Variants in PCDHAC1 observed in about 807,000 individuals in gnomAD.
The protein encoded by PCDHAC1 is protocadherin alpha subfamily C, 1.
Under a neutral mutation model 60.0 loss-of-function variants are expected in PCDHAC1, and 42 were observed. The ratio of observed to expected loss-of-function variants is 0.70; its 90% CI spans 0.55 to 0.90. PCDHAC1 has a LOEUF of 0.90. Among genes scored for constraint, PCDHAC1 ranks in the 40% least tolerant of loss-of-function variants. The pLI is 0.00. For synonymous variants in PCDHAC1, 468 were observed against 499.3 expected (o/e 0.94, Z 0.84); for missense variants, 1,160 against 1,222.3 (o/e 0.95, Z 0.76).
rs542701193 is a variant in PCDHAC1 at position 140,931,976 on chromosome 5, A to G, written c.2433+2651A>G. 2.6e-5 allele frequency among the ~76,000 whole-genome samples: 4 copies of G among 152,074 alleles called. No homozygotes were observed. In the East Asian group the frequency reaches 7.7e-4, roughly 29 times the overall value. On this transcript the variant is annotated intron_variant, in intron 1 of 3. Coordinates refer to ENST00000253807, the MANE Select transcript of PCDHAC1 (RefSeq NM_018898.5). ...GAATCATGTTGATGCATATGTGTTTATATTTTGCTCAAATTCTAAGTTCTT... is the reference window on the plus strand; with the variant it reads ...GAATCATGTTGATGCATATGTGTTTGTATTTTGCTCAAATTCTAAGTTCTT...
intron 1 of PCDHAC1, chr5:140,966,646 G>T (rs2096032297): frequency 4.4e-6 from 5 of 1,139,570 alleles, no homozygotes; most frequent in Non-Finnish European, 4.6e-6. Flanking sequence ...TTTCTAGAGC[G>T]TGAGCGGTGG....
At chr5:140,958,069 A>C (rs2095407625) in intron 1 of PCDHAC1, among the ~76,000 whole-genome samples, 1 of 152,104 alleles carries the variant, frequency 6.6e-6, no homozygotes. Flanking sequence ...AAAAACACAG[A>C]AGCAAAAAGT....
intron 1 of PCDHAC1, among the ~76,000 whole-genome samples, chr5:140,939,276 C>T (rs146183157): frequency 6.6e-6 from 1 of 152,174 alleles, no homozygotes; most frequent in Non-Finnish European, 1.5e-5. Flanking sequence ...GAGAGCTGTG[C>T]CCTCGTGATC....
chr5:140,928,625 A>T lies in PCDHAC1; in HGVS notation c.1733A>T (p.His578Leu). The T allele has an allele frequency of 6.2e-7, 1 of 1,614,224 alleles. No individual in the cohort carries two copies. The highest frequency in any genetic ancestry group is 1.3e-5 in the African/African-American group (1 of 75,064). ...EIVPRSARTGHLVTKVVAEDA... is the reference protein window; with the variant it reads ...EIVPRSARTGLLVTKVVAEDA... Reference sequence around the variant, plus strand: ...GTGCCCCGCTCTGCCAGGACTGGACACTTGGTCACAAAAGTGGTAGCAGAG... The same window carrying T: ...GTGCCCCGCTCTGCCAGGACTGGACTCTTGGTCACAAAAGTGGTAGCAGAG... The change falls in exon 1 of 4, where the codon CAC (histidine) becomes CTC (leucine). Residue 578 changes from histidine (H) to leucine (L), a missense_variant. His to Leu is a moderately conservative substitution (Grantham distance 99). Transcript: ENST00000253807.
chr5:140,972,391 C>T (rs1554234093), intron 1 of PCDHAC1, among the ~76,000 whole-genome samples: 3 of 151,490 alleles, frequency 2.0e-5, no homozygotes, highest in African/African-American at 7.3e-5. Flanking sequence ...TGTTTATTTG[C>T]TTCACTATTG....
intron 1 of PCDHAC1, chr5:140,969,335 A>G (rs782267073): frequency 1.2e-6 from 2 of 1,614,012 alleles, no homozygotes; most frequent in Admixed American, 3.3e-5. Context: ...AAATGAGGTG[A>G]GACAGTGGTC....
intron 1 of PCDHAC1, among the ~76,000 whole-genome samples, chr5:140,970,194 A>G (rs1202666673): frequency 6.6e-6 from 1 of 152,204 alleles, no homozygotes; most frequent in African/African-American, 2.4e-5. Context: ...TTGTAAGAGG[A>G]TTTCCCTGAA....
At position 140,928,374 on chromosome 5, in the gene PCDHAC1, C is replaced by A; in HGVS notation, c.1482C>A (p.Ala494=). The change falls in exon 1 of 4, where the codon GCC becomes GCA. Residue 494 remains alanine, a synonymous_variant. Transcript: ENST00000253807. ...LLDVISEGPS[A]SSLLAVESSS... is the part of the protein sequence containing the mutation. Reference sequence around the variant, plus strand: ...ATGTTATCTCTGAAGGGCCATCAGCCTCTAGCTTGCTGGCAGTGGAATCAT... The same window carrying A: ...ATGTTATCTCTGAAGGGCCATCAGCATCTAGCTTGCTGGCAGTGGAATCAT... 1 of 1,614,172 alleles carries A rather than the reference C, an allele frequency of 6.2e-7. No individual in the cohort carries two copies. Among genetic ancestry groups the A allele is most frequent in the Non-Finnish European group, 8.5e-7 (1 of 1,180,020 alleles).
chr5:140,992,258 A>G (rs1316409303), intron 3 of PCDHAC1, among the ~76,000 whole-genome samples: 1 of 152,168 alleles, frequency 6.6e-6, no homozygotes, highest in African/African-American at 2.4e-5. Flanking sequence ...GCTAAAGATG[A>G]AAGTTCTTTT....
chr5:140,929,717 A>G (rs1408315390), intron 1 of PCDHAC1: 1 of 229,936 alleles, frequency 4.3e-6, no homozygotes, highest in Non-Finnish European at 9.0e-6. Flanking sequence ...ATGGAAGGTG[A>G]AACATTTACT....
rs368682683 is a variant in PCDHAC1, at chr5:140,929,279, T to C, written c.2387T>C (p.Ile796Thr). ...GGACTGAATTTGCCAATATCCTGTA[T>C]TCAGATTCGGAATAGGAAAGGGGAT... ...GVGLNLPISC[I>T]QIRNRKGDHA... Residue 796 changes from isoleucine (I) to threonine (T), a missense_variant, in exon 1 of 4, where the codon ATT (isoleucine) becomes ACT (threonine). Ile to Thr is a moderately conservative substitution (Grantham distance 89). Around this residue, in one of 3 missense-constraint regions of PCDHAC1, gnomAD observed 1,113 missense variants for 1,163.7 expected, o/e 0.96. Coordinates refer to ENST00000253807, the MANE Select transcript of PCDHAC1 (RefSeq NM_018898.5). 6.2e-7 allele frequency: 1 copy of C among 1,603,874 alleles called. No homozygotes were observed. Among genetic ancestry groups the C allele is most frequent in the Non-Finnish European group, 8.5e-7 (1 of 1,172,676 alleles).
intron 3 of PCDHAC1, among the ~76,000 whole-genome samples, chr5:140,991,900 A>G (rs137964856): frequency 9.8e-4 from 149 of 152,250 alleles, no homozygotes; most frequent in African/African-American, 3.0e-3. Context: ...TTAACACAAA[A>G]TCCCTTTTGC....
chr5:140,995,905 G>C (rs1346539389), intron 3 of PCDHAC1, among the ~76,000 whole-genome samples: 1 of 152,186 alleles, frequency 6.6e-6, no homozygotes, highest in Non-Finnish European at 1.5e-5. Flanking sequence ...GTATAAAAGA[G>C]GAGAGACCAT....
chr5:140,975,396 A>G (rs1366048936), intron 1 of PCDHAC1, among the ~76,000 whole-genome samples: 2 of 152,248 alleles, frequency 1.3e-5, no homozygotes, highest in African/African-American at 4.8e-5. Flanking sequence ...GATCCATCAC[A>G]ATCACAGTCT....
chr5:140,973,134 C>T (rs999970948), intron 1 of PCDHAC1, among the ~76,000 whole-genome samples: 6 of 152,182 alleles, frequency 3.9e-5, no homozygotes, highest in Admixed American at 6.5e-5. Flanking sequence ...AGTTTGCATT[C>T]ACTTTCACTT....
intron 1 of PCDHAC1, chr5:140,969,591 T>C: frequency 2.4e-6 from 2 of 829,486 alleles, no homozygotes; most frequent in South Asian, 2.0e-5. Context: ...TTAGTCTTAA[T>C]ATTTAATGCT....
intron 3 of PCDHAC1, among the ~76,000 whole-genome samples, chr5:140,985,312 G>C (rs961087434): frequency 2.0e-5 from 3 of 152,102 alleles, no homozygotes; most frequent in Non-Finnish European, 2.9e-5. Flanking sequence ...TAGCCTGGTG[G>C]CCAGAATTCA....
At chr5:140,962,770 G>A (rs1387109570) in intron 1 of PCDHAC1, among the ~76,000 whole-genome samples, 1 of 152,164 alleles carries the variant, frequency 6.6e-6, no homozygotes, top group Admixed American at 6.5e-5. Flanking sequence ...TTTTTAACAA[G>A]ATGGAATTTT....
chr5:140,958,265 C>A (rs1010851166), intron 1 of PCDHAC1, among the ~76,000 whole-genome samples: 1 of 151,680 alleles, frequency 6.6e-6, no homozygotes, highest in Admixed American at 6.6e-5. Flanking sequence ...TAATTTGGTA[C>A]AAGAAGTATA....
Sources: allele counts gnomAD v4.1 joint callset (sites outside exome capture counted in the v4.1 genomes callset), GRCh38; gene constraint gnomAD v4.1.1; regional missense constraint gnomAD v4.1.1; transcripts MANE v1.5; gene names NCBI Gene and HGNC (gene_info 2026-07-23, HGNC 2026-07-21).